LAMB3: variants seen among roughly 807,000 people sequenced by gnomAD.
LAMB3 encodes the protein laminin subunit beta-3.
In LAMB3, 104 loss-of-function variants were observed where a neutral mutation model predicts 140.3. That is an observed-to-expected ratio of 0.74 (90% CI 0.63 to 0.87). The LOEUF (loss-of-function observed/expected upper bound fraction) is 0.87. LAMB3 is among the 40% of genes least tolerant of loss of function. LAMB3 has a pLI of 0.00. For synonymous variants in LAMB3, 592 were observed against 602.9 expected, an observed-to-expected ratio of 0.98 and a Z score of 0.26; for missense variants, 1,531 against 1,575.2, an observed-to-expected ratio of 0.97 and a Z score of 0.47.
chr1:209,619,083 C>A (rs897911693), intron 18 of LAMB3, among the ~76,000 whole-genome samples: 2 of 152,220 alleles, frequency 1.3e-5, no homozygotes, highest in Non-Finnish European at 2.9e-5. Context: ...CCCTGCATTC[C>A]CCCTCAGGCA....
intron 8 of LAMB3, among the ~76,000 whole-genome samples, chr1:209,630,951 G>A (rs956017530): frequency 9.2e-5 from 14 of 152,194 alleles, no homozygotes; most frequent in African/African-American, 2.9e-4. Context: ...GTGTGTGCAC[G>A]TGCGTGTGCC....
chr1:209,623,147 G>A lies in LAMB3; in HGVS notation c.2391C>T (p.Thr797=). The change falls in exon 17 of 23, where the codon ACC becomes ACT. Residue 797 remains threonine (T), a synonymous_variant. Coordinates refer to ENST00000356082, the MANE Select transcript of LAMB3 (RefSeq NM_000228.3). This position sits in a 1 kb window ranked among gnomAD's most constrained non-coding sequence, Gnocchi z 4.2. ...LCGNSRQMAC[T]PISCPGELCP... is the part of the protein sequence containing the mutation. ...ATAGCTCACCAGGGCATGATATTGG[G>A]GTGCAAGCCATCTGCCTGGAGTTGC... 6.2e-7 allele frequency: 1 copy of A among 1,614,190 alleles called. No homozygotes were observed. The highest frequency in any genetic ancestry group is 1.1e-5 in the South Asian group (1 of 91,088).
At chr1:209,632,562 C>G in intron 8 of LAMB3, 21 bp downstream of exon 8, 3 of 1,609,938 alleles carry the variant, frequency 1.9e-6, no homozygotes, top group Non-Finnish European at 2.5e-6. Flanking sequence ...TTCCTCTCCC[C>G]TTCCCACCCT....
Position 209,623,390 on chromosome 1 carries a change from G to A in LAMB3, c.2358+115C>T. 8.8e-7 allele frequency: 1 copy of A among 1,140,552 alleles called. No homozygotes were observed. Among genetic ancestry groups the A allele is most frequent in the Non-Finnish European group, 1.3e-6 (1 of 759,596 alleles). 70.7% of individuals were successfully genotyped at this position (1,140,552 alleles called of 1,614,324 possible). ...CAGTACAAGGGTCGGGATGGCTGGGGGAGTGGGGTTCTCACAGGGGCAGAT... is the reference window on the plus strand; with the variant it reads ...CAGTACAAGGGTCGGGATGGCTGGGAGAGTGGGGTTCTCACAGGGGCAGAT... On this transcript the variant is annotated intron_variant, in intron 16 of 22. Transcript: ENST00000356082. This position sits in a 1 kb window ranked among gnomAD's most constrained non-coding sequence, Gnocchi z 4.2.
At chr1:209,643,410 T>C (rs1225273193) in intron 3 of LAMB3, among the ~76,000 whole-genome samples, 3 of 152,212 alleles carry the variant, frequency 2.0e-5, no homozygotes, top group Non-Finnish European at 2.9e-5. Flanking sequence ...AGAGACACAG[T>C]ACTATTATCA....
rs115433823 is a variant in LAMB3, at chr1:209,628,172, T to C, written c.1151A>G (p.Asp384Gly). The C allele has an allele frequency of 1.3e-4, 198 of 1,562,946 alleles. 1 individual carries two copies. The East Asian group carries it at 4.6e-3, about 37-fold the overall frequency. Residue 384 changes from aspartate (D) to glycine (G), a missense_variant, in exon 11 of 23, where the codon GAT becomes GGT. Coordinates refer to ENST00000356082, the MANE Select transcript of LAMB3 (RefSeq NM_000228.3). The stretch of plus-strand genomic sequence containing the variant: ...ACAGGGAGCCCCTGGCACTGCCCCA[T>C]CCGGATCACACTCGCAGGCTGAGAG... ...ETCISCECDP[D>G]GAVPGAPCDP...
intron 9 of LAMB3, 111 bp from the exon 10 acceptor site, chr1:209,630,036 G>T: frequency 1.9e-6 from 2 of 1,061,676 alleles, no homozygotes; most frequent in Non-Finnish European, 2.9e-6. Flanking sequence ...GATGATCAAG[G>T]CAGGGAAGTG....
At chr1:209,629,985 T>G (rs1173143555) in intron 9 of LAMB3, 60 bp from the exon 10 acceptor site, 5 of 1,536,192 alleles carry the variant, frequency 3.3e-6, no homozygotes, top group Non-Finnish European at 4.5e-6. Context: ...CTACAGAGCA[T>G]GCTCCACAAA....
At chr1:209,649,375 A>T (rs1558169953) in intron 3 of LAMB3, among the ~76,000 whole-genome samples, 2 of 151,848 alleles carry the variant, frequency 1.3e-5, no homozygotes, top group African/African-American at 2.4e-5. Context: ...AAGTTCCTAT[A>T]AAAAAAGACC....
At chr1:209,618,115 G>A (rs529530706) in intron 19 of LAMB3, 67 bp from the exon 20 acceptor site, 240 of 1,586,034 alleles carry the variant, frequency 1.5e-4, no homozygotes, top group African/African-American at 4.0e-4. Flanking sequence ...TGTGTGGTTC[G>A]ACTCACACAC....
chr1:209,633,803 A>C (rs972756554), intron 6 of LAMB3, among the ~76,000 whole-genome samples: 2 of 152,194 alleles, frequency 1.3e-5, no homozygotes, highest in South Asian at 4.1e-4. Flanking sequence ...CCTGTGTCTC[A>C]GCCAGGGAAA....
In LAMB3 at chr1:209,618,452, C is replaced by G; in HGVS notation, c.2909G>C (p.Arg970Thr). Reference sequence around the variant, plus strand: ...AGAAGTTCAGGGCCCAAGGCCATACCTGGCTTCCTCAGCCTCAGCCTGCAA... The same window carrying G: ...AGAAGTTCAGGGCCCAAGGCCATACGTGGCTTCCTCAGCCTCAGCCTGCAA... ...RRLQAEAEEA[R>T]SRAHAVEGQV... Residue 970 changes from arginine (R) to threonine (T), a missense_variant and splice_region_variant, in exon 19 of 23, where the codon AGG (arginine) becomes ACG (threonine). Physicochemically the swap from Arg to Thr is moderately conservative, Grantham distance 71. Transcript: ENST00000356082. 1 of 1,613,644 alleles carries G rather than the reference C, an allele frequency of 6.2e-7. No individual in the cohort carries two copies. Among genetic ancestry groups the G allele is most frequent in the Non-Finnish European group, 8.5e-7 (1 of 1,180,026 alleles).
intron 20 of LAMB3, 34 bp from the exon 21 acceptor site, chr1:209,617,620 T>C (rs1666020385): frequency 6.2e-7 from 1 of 1,611,834 alleles, no homozygotes; most frequent in African/African-American, 1.3e-5. Context: ...GCCTTTGTGG[T>C]GGGTCTCATA....
chr1:209,638,106 C>A lies in LAMB3; in HGVS notation c.299-125G>T, dbSNP rs932252317. 6.3e-6 allele frequency: 5 copies of A among 787,420 alleles called. No individual in the cohort carries two copies. In the East Asian group the frequency reaches 1.3e-4, roughly 21 times the overall value. The allele number at this position is 787,420 out of a possible 1,614,324, so 48.8% of individuals were successfully genotyped here. A position where few individuals can be genotyped will look rare whatever the true frequency, so the allele number is the denominator to read the frequency against. ...CTCTAACCTTGATTTTCCAAACTCC[C>A]TCTTGGAGAGGAGTGGGGAGTGGTA... On this transcript the variant is annotated intron_variant, in intron 4 of 22. Coordinates refer to ENST00000356082, the MANE Select transcript of LAMB3 (RefSeq NM_000228.3).
intron 10 of LAMB3, 120 bp from the exon 11 acceptor site, chr1:209,628,310 C>T: frequency 8.6e-7 from 1 of 1,159,786 alleles, no homozygotes; most frequent in East Asian, 2.6e-5. Context: ...AAATTCACAG[C>T]CTTAGTCAAG....
intron 1 of LAMB3, 124 bp from the exon 2 acceptor site, chr1:209,651,105 G>A (rs574535102): frequency 1.4e-6 from 1 of 729,540 alleles, no homozygotes; most frequent in East Asian, 2.7e-5. Context: ...CCTGATCTAG[G>A]ACACTTGGAG....
At chr1:209,619,941 A>C (rs1666127515) in intron 18 of LAMB3, among the ~76,000 whole-genome samples, 1 of 152,226 alleles carries the variant, frequency 6.6e-6, no homozygotes, top group South Asian at 2.1e-4. Flanking sequence ...GGTTTATCCC[A>C]GCAGCAAGCT....
In LAMB3 at chr1:209,632,761, GT is replaced by G. The variant is rs1666740883; in HGVS notation, c.643del (p.Thr215GlnfsTer3). ...SQKIQEVGEITNLRVNFTRLA... is the reference protein window; with the variant it reads ...SQKIQEVGEIXNLRVNFTRLA... ...CCTGGTGAAATTGACTCTCAAGTTT[GT>G]GATCTCCCCCACCTCTGAGAGGGCC... On this transcript the variant is annotated frameshift_variant, in exon 8 of 23. Coordinates refer to ENST00000356082, the MANE Select transcript of LAMB3 (RefSeq NM_000228.3). LOFTEE classifies it high-confidence loss of function. The G allele has an allele frequency of 6.2e-7, 1 of 1,614,234 alleles. No homozygotes were observed. The highest frequency in any genetic ancestry group is 8.5e-7 in the Non-Finnish European group (1 of 1,180,032).
Position 209,617,433 on chromosome 1 carries a change from C to T in LAMB3, c.3205G>A (p.Glu1069Lys), listed in dbSNP as rs780442109. 25 of 1,612,760 alleles carry T rather than the reference C, an allele frequency of 1.6e-5. No individual in the cohort carries two copies. Among genetic ancestry groups the T allele is most frequent in the East Asian group, 2.2e-5 (1 of 44,898 alleles). ...ACCTCTTGGGCACTCAATGCCTGCT[C>T]GCTGGCACCTTCCGCAAGCTGCTGG... ...QAQQLAEGAS[E>K]QALSAQEGFE... is the part of the protein sequence containing the mutation. The change falls in exon 21 of 23, where the codon GAG becomes AAG. Residue 1069 changes from glutamate (E) to lysine (K), a missense_variant. By Grantham distance (56) the Glu-to-Lys change is moderately conservative. Transcript: ENST00000356082.
Sources: gnomAD v4.1 joint callset for allele counts (sites outside exome capture counted in the v4.1 genomes callset) on GRCh38, gnomAD v4.1.1 for gene constraint, Gnocchi (gnomAD v3.1) non-coding constraint, MANE v1.5 for transcripts, NCBI Gene and HGNC (gene_info 2026-07-23, HGNC 2026-07-21) for gene names.